Variants in BUD13 observed in about 807,000 individuals in gnomAD.
The protein encoded by BUD13 is BUD13 homolog.
Under a neutral mutation model 62.5 loss-of-function variants are expected in BUD13, and 47 were observed. The observed-to-expected ratio is 0.75, with a 90% CI of 0.60 to 0.96. The LOEUF is 0.96. Ranked by LOEUF, BUD13 falls within the 40% of genes least tolerant of loss-of-function variation. The pLI is 0.00. For synonymous variants in BUD13, 293 were observed against 280.1 expected (o/e 1.05, Z -0.46); for missense variants, 821 against 790.9 (o/e 1.04, Z -0.46).
rs141944973 is a variant in BUD13, at chr11:116,758,432, T to C, written c.1361-25A>G. 1.0e-3 allele frequency: 1,674 copies of C among 1,611,962 alleles called. 13 individuals are homozygous for C. In the African/African-American group the frequency reaches 0.02, roughly 19 times the overall value. On this transcript the variant is annotated intron_variant, in intron 6 of 9. Coordinates refer to ENST00000260210, the MANE Select transcript of BUD13 (RefSeq NM_032725.4). Reference sequence around the variant, plus strand: ...GCTGCAAAGGAAAATTATACTCAAATATCAGGATCAAAATCAGAAATAACA... The same window carrying C: ...GCTGCAAAGGAAAATTATACTCAAACATCAGGATCAAAATCAGAAATAACA...
chr11:116,760,907 T>A lies in BUD13; in HGVS notation c.1082A>T (p.His361Leu), dbSNP rs778028939. ...ATCCTGGTGCCCTGGACTTTGTTTA[T>A]GCCGTGGAGAAGAAAGGTCTGAATC... ...ATDSDLSSPR[H>L]KQSPGHQDSD... Residue 361 changes from histidine to leucine, a missense_variant, in exon 5 of 10, where the codon CAT becomes CTT. His to Leu is a moderately conservative substitution (Grantham distance 99). This residue lies in a region of BUD13 where 800 missense variants were observed against 739.2 expected (regional missense o/e 1.08). Transcript: ENST00000260210. 3.1e-6 allele frequency: 5 copies of A among 1,614,134 alleles called. No homozygotes were observed. The highest frequency in any genetic ancestry group is 4.2e-6 in the Non-Finnish European group (5 of 1,179,998).
At chr11:116,771,717 A>C (rs1443473125) in intron 1 of BUD13, among the ~76,000 whole-genome samples, 3 of 152,226 alleles carry the variant, frequency 2.0e-5, no homozygotes, top group African/African-American at 4.8e-5. Context: ...GCGAGGCAGA[A>C]AGACGAAGAC....
intron 6 of BUD13, 70 bp downstream of exon 6, chr11:116,759,004 A>G: frequency 9.1e-7 from 1 of 1,094,978 alleles, no homozygotes. Context: ...AATATCAGGT[A>G]CAATAAGCTA....
intron 5 of BUD13, among the ~76,000 whole-genome samples, chr11:116,759,731 G>A (rs1940396946): frequency 6.6e-6 from 1 of 152,184 alleles, no homozygotes; most frequent in South Asian, 2.1e-4. Context: ...ATAATATTAA[G>A]TTGTCCATGA....
intron 2 of BUD13, among the ~76,000 whole-genome samples, chr11:116,767,975 AAATAATAATAAT>A (rs57099961): frequency 0.059 from 8,419 of 143,586 alleles, 335 homozygotes; most frequent in Admixed American, 0.11. Flanking sequence ...CCTGTCTCAA[AAATAATAATAAT>A]AATAATAATA....
intron 7 of BUD13, 99 bp from the exon 8 acceptor site, chr11:116,758,049 C>A: frequency 6.7e-7 from 1 of 1,495,390 alleles, no homozygotes; most frequent in Non-Finnish European, 9.0e-7. Flanking sequence ...TCTCCTCTTT[C>A]TAGTACCCTA....
chr11:116,762,809 G>A lies in BUD13; in HGVS notation c.780C>T (p.Asp260=), dbSNP rs765054197. The A allele has an allele frequency of 4.3e-6, 7 of 1,612,310 alleles. No homozygotes were observed. The South Asian group carries it at 6.6e-5, about 15-fold the overall frequency. The part of the protein sequence containing the change: ...DTSRRTLGSS[D]TQQLRRARHD... Reference sequence around the variant, plus strand: ...GACGGGCCCTTCTGAGTTGCTGTGTGTCTGAAGAGCCAAGAGTCCTCCTAG... The same window carrying A: ...GACGGGCCCTTCTGAGTTGCTGTGTATCTGAAGAGCCAAGAGTCCTCCTAG... Residue 260 remains aspartate (D), a synonymous_variant, in exon 4 of 10, where the codon GAC becomes GAT. Coordinates refer to ENST00000260210, the MANE Select transcript of BUD13 (RefSeq NM_032725.4).
chr11:116,758,036 C>G (rs1940362553), intron 7 of BUD13, 86 bp from the exon 8 acceptor site: 1 of 1,533,744 alleles, frequency 6.5e-7, no homozygotes, highest in South Asian at 1.2e-5. Flanking sequence ...TAAGTTTGGA[C>G]AATCTCCTCT....
chr11:116,765,541 T>C, intron 2 of BUD13, 95 bp from the exon 3 acceptor site: 3 of 1,337,374 alleles, frequency 2.2e-6, no homozygotes, highest in Non-Finnish European at 3.2e-6. Flanking sequence ...TTCCGATTCC[T>C]AACACAAGGG....
At chr11:116,763,538 C>T (rs905079873) in intron 3 of BUD13, among the ~76,000 whole-genome samples, 8 of 152,082 alleles carry the variant, frequency 5.3e-5, no homozygotes, top group Non-Finnish European at 4.4e-5. Context: ...GGCAGGTACC[C>T]TTGTATTACA....
At position 116,772,827 on chromosome 11, in the gene BUD13, G is replaced by A. The variant is rs750434145; in HGVS notation, c.138C>T (p.Gly46=). ...KKRPKPGGAG[G]KGMRIVDDDV... ...CCCGGCCGGTACCAACTCACCCCTT[G>A]CCGCCGGCCCCGCCAGGCTTCGGCC... is the stretch of plus-strand genomic sequence containing the variant. Residue 46 remains glycine (G), a synonymous_variant, in exon 1 of 10, where the codon GGC becomes GGT. Coordinates refer to ENST00000260210, the MANE Select transcript of BUD13 (RefSeq NM_032725.4). The A allele has an allele frequency of 2.5e-5, 39 of 1,576,960 alleles. No individual in the cohort carries two copies. In the African/African-American group the frequency reaches 4.4e-4, roughly 18 times the overall value.
At position 116,758,384 on chromosome 11, in the gene BUD13, C is replaced by T. The variant is rs774817003; in HGVS notation, c.1384G>A (p.Val462Ile). Residue 462 changes from valine (V) to isoleucine (I), a missense_variant, in exon 7 of 10, where the codon GTA becomes ATA. Val to Ile is a conservative substitution (Grantham distance 29). Around this residue, in one of 2 missense-constraint regions of BUD13, gnomAD observed 800 missense variants for 739.2 expected, o/e 1.08. Transcript: ENST00000260210. ...TTACGACCAGACTTATCTCGAAATA[C>T]GGTTTCAGCATATTGAAATTCAGCT... ...FEAEFQYAET[V>I]FRDKSGRKRN... The T allele has an allele frequency of 4.3e-6, 7 of 1,613,912 alleles. No homozygotes were observed. The highest frequency in any genetic ancestry group is 1.3e-5 in the African/African-American group (1 of 74,886).
Position 116,763,178 on chromosome 11 carries a change from A to G in BUD13, c.411T>C (p.Asp137=). 1 of 1,599,572 alleles carries G rather than the reference A, an allele frequency of 6.3e-7. No homozygotes were observed. The change falls in exon 4 of 10, where the codon GAT becomes GAC. Residue 137 remains aspartate, a synonymous_variant. Coordinates refer to ENST00000260210, the MANE Select transcript of BUD13 (RefSeq NM_032725.4). The part of the protein sequence containing the change: ...SPRRVRHGTP[D]PSPRKDRHDT... ...CATGACGGTCCTTCCTAGGAGATGGATCTGGGGTACCATGACGGACCCTCC... is the reference window on the plus strand; with the variant it reads ...CATGACGGTCCTTCCTAGGAGATGGGTCTGGGGTACCATGACGGACCCTCC...
chr11:116,765,334 T>A, intron 3 of BUD13, 28 bp downstream of exon 3: 1 of 1,610,746 alleles, frequency 6.2e-7, no homozygotes, highest in South Asian at 1.1e-5. Flanking sequence ...CTAATGGAAA[T>A]TTAGATTTAT....
chr11:116,761,868 C>G lies in BUD13; in HGVS notation c.1036+685G>C, dbSNP rs565043127. On this transcript the variant is annotated intron_variant, in intron 4 of 9. Coordinates refer to ENST00000260210, the MANE Select transcript of BUD13 (RefSeq NM_032725.4). ...TCTTTAAAACGCCCACATCTTCTGA[C>G]CCAGTACATCAACTTCTCAGCTTTC... is the stretch of plus-strand genomic sequence containing the variant. Among the ~76,000 whole-genome samples the G allele has an allele frequency of 2.0e-5, 3 of 152,250 alleles. No homozygotes were observed. In the South Asian group the frequency reaches 6.2e-4, roughly 32 times the overall value.
intron 9 of BUD13, among the ~76,000 whole-genome samples, chr11:116,756,145 T>C (rs550414012): frequency 6.6e-6 from 1 of 151,940 alleles, no homozygotes; most frequent in African/African-American, 2.4e-5. Flanking sequence ...GAAGTGGAGA[T>C]TGCACCACTG....
At chr11:116,748,980 C>CAAAAAAAAAAAAAAAAAAAA (rs58988682) in intron 9 of BUD13, among the ~76,000 whole-genome samples, 1 of 86,994 alleles carries the variant, frequency 1.1e-5, no homozygotes. Context: ...GACTCTGTCT[C>CAAAAAAAAAAAAAAAAAAAA]AAAAAAAAAA....
At chr11:116,766,619 T>C (rs1940533445) in intron 2 of BUD13, among the ~76,000 whole-genome samples, 1 of 152,356 alleles carries the variant, frequency 6.6e-6, no homozygotes, top group South Asian at 2.1e-4. Context: ...ATTCAAAGGA[T>C]TGCTATAAGG....
rs1341878500 is a variant in BUD13, at chr11:116,772,897, C to T, written c.68G>A (p.Gly23Asp). 4.4e-6 allele frequency: 7 copies of T among 1,589,738 alleles called. No homozygotes were observed. Among genetic ancestry groups the T allele is most frequent in the Non-Finnish European group, 6.0e-6 (7 of 1,168,966 alleles). ...ACCGGACTCAGATCCCCGGTCGACG[C>T]CGGCATCTGCCCCGGACAAGTAACG... is the stretch of plus-strand genomic sequence containing the variant. ...LKRYLSGADA[G>D]VDRGSESGRK... The change falls in exon 1 of 10, where the codon GGC (glycine) becomes GAC (aspartate). Residue 23 changes from glycine (G) to aspartate (D), a missense_variant. This residue lies in a region of BUD13 where 800 missense variants were observed against 739.2 expected (regional missense o/e 1.08). Coordinates refer to ENST00000260210, the MANE Select transcript of BUD13 (RefSeq NM_032725.4).
Sources: gnomAD v4.1 joint callset for allele counts (sites outside exome capture counted in the v4.1 genomes callset) on GRCh38, gnomAD v4.1.1 for gene constraint, gnomAD v4.1.1 regional missense constraint, MANE v1.5 for transcripts, NCBI Gene and HGNC (gene_info 2026-07-23, HGNC 2026-07-21) for gene names.